EGFLAM: variants seen among roughly 807,000 people sequenced by gnomAD.
The protein encoded by EGFLAM is EGF like, fibronectin type III and laminin G domains, also known as pikachurin.
EGFLAM carries 79 observed loss-of-function variants against 113.1 expected under a neutral mutation model. The observed-to-expected ratio is 0.70, with a 90% confidence interval of 0.58 to 0.84. The LOEUF (loss-of-function observed/expected upper bound fraction) is 0.84, where lower values mean the gene tolerates loss of function less well. EGFLAM is among the 40% of genes least tolerant of loss of function. The pLI is 0.00. For missense variants in EGFLAM, 1,265 were observed against 1,291.6 expected (o/e 0.98, Z 0.32); for synonymous variants, 504 against 487.6 (o/e 1.03, Z -0.44).
intron 10 of EGFLAM, among the ~76,000 whole-genome samples, chr5:38,411,963 C>T (rs1387734846): frequency 2.0e-5 from 3 of 151,444 alleles, no homozygotes; most frequent in Non-Finnish European, 4.4e-5. Context: ...CCATGTGCAG[C>T]TAATCTTTGT....
chr5:38,367,160 G>T (rs1431475810), intron 5 of EGFLAM, among the ~76,000 whole-genome samples: 1 of 151,830 alleles, frequency 6.6e-6, no homozygotes, highest in African/African-American at 2.4e-5. Context: ...TGTTGTTGTT[G>T]TTTTTGAGAC....
intron 1 of EGFLAM, among the ~76,000 whole-genome samples, chr5:38,276,431 C>CT (rs1561259323): frequency 6.6e-6 from 1 of 151,850 alleles, no homozygotes; most frequent in Non-Finnish European, 1.5e-5. Context: ...AAAAGCAGTT[C>CT]TAATAGGGAA....
chr5:38,464,891 T>A lies in EGFLAM; in HGVS notation c.*905T>A, dbSNP rs1743417949. On this transcript the variant is annotated 3_prime_UTR_variant, in exon 22 of 22. Coordinates refer to ENST00000322350, the MANE Select transcript of EGFLAM (RefSeq NM_152403.4). ...AATGTTGACGGCTCAAGAGGATGAA[T>A]ATGAAGCTTTCCAAGATAAGCAGAT... 4 of 152,310 alleles carry A rather than the reference T, an allele frequency of 2.6e-5. No individual in the cohort carries two copies. In the South Asian group the frequency reaches 8.3e-4, roughly 32 times the overall value. 9.4% of individuals were successfully genotyped at this position (152,310 alleles called of 1,614,324 possible).
chr5:38,365,117 G>A (rs1315628432), intron 5 of EGFLAM, among the ~76,000 whole-genome samples: 1 of 152,142 alleles, frequency 6.6e-6, no homozygotes, highest in South Asian at 2.1e-4. Context: ...TTCCTAGCAG[G>A]ATTTAACCAG....
At chr5:38,268,125 G>A (rs1041531981) in intron 1 of EGFLAM, among the ~76,000 whole-genome samples, 1 of 152,098 alleles carries the variant, frequency 6.6e-6, no homozygotes, top group African/African-American at 2.4e-5. Context: ...GAATATTGAT[G>A]TATCTCTCTC....
intron 2 of EGFLAM, among the ~76,000 whole-genome samples, chr5:38,338,057 C>T (rs909095191): frequency 6.6e-6 from 1 of 152,146 alleles, no homozygotes; most frequent in African/African-American, 2.4e-5. Flanking sequence ...CTATCAGAGG[C>T]TGCAAGTTGG....
rs781435544 is a variant in EGFLAM, at chr5:38,463,969, A to G, written c.3013A>G (p.Thr1005Ala). 6.2e-7 allele frequency: 1 copy of G among 1,614,132 alleles called. No individual in the cohort carries two copies. The highest frequency in any genetic ancestry group is 1.7e-5 in the Admixed American group (1 of 60,020). The change falls in exon 22 of 22, where the codon ACT (threonine) becomes GCT (alanine). Residue 1005 changes from threonine (T) to alanine (A), a missense_variant. Thr to Ala is a moderately conservative substitution (Grantham distance 58). Transcript: ENST00000322350. ...TGCCGTGGATGGGAAAAACATCAAC[A>G]CTTGTGGAGCCAAGTAACACCAGCT... is the stretch of plus-strand genomic sequence containing the variant. ...EDAVDGKNINTCGAK is the reference protein window; with the variant it reads ...EDAVDGKNINACGAK
chr5:38,321,624 T>A (rs1413689108), intron 1 of EGFLAM, among the ~76,000 whole-genome samples: 1 of 152,204 alleles, frequency 6.6e-6, no homozygotes, highest in Non-Finnish European at 1.5e-5. Context: ...CAGCGGCTCT[T>A]GATCTGTGGC....
At chr5:38,348,064 G>A (rs551264986) in intron 3 of EGFLAM, among the ~76,000 whole-genome samples, 2 of 151,746 alleles carry the variant, frequency 1.3e-5, no homozygotes, top group African/African-American at 2.4e-5. Context: ...GAGAGAGAGA[G>A]AGAGAGAAGG....
intron 20 of EGFLAM, among the ~76,000 whole-genome samples, chr5:38,461,624 G>T (rs575780504): frequency 6.6e-6 from 1 of 152,234 alleles, no homozygotes; most frequent in South Asian, 2.1e-4. Context: ...GAAGTTTGTG[G>T]TCTCAAAGAT....
At chr5:38,340,944 A>G (rs947961980) in intron 3 of EGFLAM, among the ~76,000 whole-genome samples, 2 of 152,114 alleles carry the variant, frequency 1.3e-5, no homozygotes, top group African/African-American at 4.8e-5. Context: ...CAGCAATGCA[A>G]TGGGAGGAGT....
At chr5:38,429,719 AAC>A (rs1350443235) in intron 14 of EGFLAM, among the ~76,000 whole-genome samples, 1 of 152,232 alleles carries the variant, frequency 6.6e-6, no homozygotes, top group African/African-American at 2.4e-5. Context: ...AAAAATTTCA[AAC>A]ATATAGAAAA....
intron 10 of EGFLAM, among the ~76,000 whole-genome samples, chr5:38,410,553 G>A (rs562143987): frequency 3.9e-5 from 6 of 152,248 alleles, no homozygotes; most frequent in Admixed American, 2.6e-4. Flanking sequence ...GGAAAATGCC[G>A]GCTACGACTC....
At position 38,350,532 on chromosome 5, in the gene EGFLAM, C is replaced by T. The variant is rs1739593262; in HGVS notation, c.323C>T (p.Thr108Ile). The T allele has an allele frequency of 1.2e-6, 2 of 1,613,766 alleles. No individual in the cohort carries two copies. Among genetic ancestry groups the T allele is most frequent in the Non-Finnish European group, 1.7e-6 (2 of 1,179,886 alleles). Reference protein sequence around the residue: ...EEVIGDLKPGTEYRVSIAAYS... With the variant: ...EEVIGDLKPGIEYRVSIAAYS... ...GTGATTGGAGATTTGAAACCAGGCA[C>T]TGAATATCGTGTGAGCATAGCAGCT... The change falls in exon 4 of 22, where the codon ACT becomes ATT. Residue 108 changes from threonine (T) to isoleucine (I), a missense_variant. Transcript: ENST00000322350.
At chr5:38,393,681 G>A (rs1740874864) in intron 6 of EGFLAM, among the ~76,000 whole-genome samples, 1 of 152,230 alleles carries the variant, frequency 6.6e-6, no homozygotes, top group African/African-American at 2.4e-5. Context: ...GGAAGAGTTG[G>A]GGAACCAGAG....
At position 38,459,787 on chromosome 5, in the gene EGFLAM, C is replaced by T. The variant is rs1743213610; in HGVS notation, c.2771+1393C>T. ...GCCCCCAACCCCTGGCTGCTGGGCC[C>T]CCAACCCTGGCTGTTGGGCCTGCCT... On this transcript the variant is annotated intron_variant, in intron 20 of 21. Transcript: ENST00000322350. Among the ~76,000 whole-genome samples, 5 of 418 alleles carry T rather than the reference C, an allele frequency of 0.012. No homozygotes were observed. The South Asian group carries it at 0.25, about 21-fold the overall frequency. The allele number at this position is 418 out of a possible 152,430, so 0.3% of individuals were successfully genotyped here. A position where few individuals can be genotyped will look rare whatever the true frequency, so the allele number is the denominator to read the frequency against.
At chr5:38,322,834 T>C (rs1738776970) in intron 1 of EGFLAM, among the ~76,000 whole-genome samples, 1 of 152,230 alleles carries the variant, frequency 6.6e-6, no homozygotes, top group Non-Finnish European at 1.5e-5. Flanking sequence ...AGCAGGGATC[T>C]GGAAAACTCT....
At chr5:38,463,756 C>A in intron 21 of EGFLAM, 76 bp from the exon 22 acceptor site, 1 of 1,574,936 alleles carries the variant, frequency 6.3e-7, no homozygotes, top group Non-Finnish European at 8.6e-7. Context: ...TTCAAGTGCC[C>A]CAAACTGGAA....
chr5:38,267,665 C>T (rs1250489592), intron 1 of EGFLAM, among the ~76,000 whole-genome samples: 1 of 152,106 alleles, frequency 6.6e-6, no homozygotes, highest in Non-Finnish European at 1.5e-5. Flanking sequence ...TAGAAGGCAC[C>T]GCTCTGGCAT....
Sources: gnomAD v4.1 joint callset for allele counts (sites outside exome capture counted in the v4.1 genomes callset) on GRCh38, gnomAD v4.1.1 for gene constraint, MANE v1.5 for transcripts, NCBI Gene and HGNC (gene_info 2026-07-23, HGNC 2026-07-21) for gene names.